The following MEOX2 variants were observed in gnomAD, a reference collection of about 807,000 sequenced individuals.
MEOX2 encodes the protein homeobox protein MOX-2.
Under a neutral mutation model 27.0 loss-of-function variants are expected in MEOX2, and 11 were observed. That is an observed-to-expected ratio of 0.41 (90% CI 0.26 to 0.68). The LOEUF (loss-of-function observed/expected upper bound fraction) is 0.68. Among genes scored for constraint, MEOX2 ranks in the 30% least tolerant of loss-of-function variants. The pLI is 0.33. For synonymous variants in MEOX2, 189 were observed against 155.4 expected (o/e 1.22, Z -1.61); for missense variants, 436 against 385.4 (o/e 1.13, Z -1.10).
At chr7:15,629,375 A>G (rs6958841) in intron 1 of MEOX2, among the ~76,000 whole-genome samples, 85,607 of 151,784 alleles carry the variant, frequency 0.56, 24,693 homozygotes, top group Non-Finnish European at 0.64. Flanking sequence ...ACTGGATTTA[A>G]GCTAAAATCT....
At chr7:15,685,760 G>T in intron 1 of MEOX2, 126 bp downstream of exon 1, 1 of 1,339,144 alleles carries the variant, frequency 7.5e-7, no homozygotes, top group African/African-American at 1.5e-5. Context: ...GCCGCAGGAA[G>T]CCACAGAGGG....
At chr7:15,635,263 T>C (rs1458373932) in intron 1 of MEOX2, among the ~76,000 whole-genome samples, 1 of 151,950 alleles carries the variant, frequency 6.6e-6, no homozygotes, top group Non-Finnish European at 1.5e-5. Flanking sequence ...CCAACAGGAA[T>C]ACATTTTATG....
At chr7:15,629,112 C>G (rs17168927) in intron 1 of MEOX2, among the ~76,000 whole-genome samples, 6 of 152,066 alleles carry the variant, frequency 3.9e-5, no homozygotes, top group Non-Finnish European at 8.8e-5. Context: ...ATGGTTAGCA[C>G]ATTCCCTTAT....
intron 1 of MEOX2, among the ~76,000 whole-genome samples, chr7:15,658,396 A>C (rs1191393822): frequency 6.6e-6 from 1 of 152,178 alleles, no homozygotes; most frequent in Admixed American, 6.5e-5. Flanking sequence ...TTGCTGTCTT[A>C]AATTGTTATG....
At chr7:15,622,354 T>G (rs1781234484) in intron 2 of MEOX2, among the ~76,000 whole-genome samples, 1 of 152,282 alleles carries the variant, frequency 6.6e-6, no homozygotes, top group East Asian at 1.9e-4. Flanking sequence ...GTCCTGTCTC[T>G]GCTTTTGAAT....
chr7:15,645,123 T>G (rs1781621121), intron 1 of MEOX2, among the ~76,000 whole-genome samples: 1 of 152,210 alleles, frequency 6.6e-6, no homozygotes, highest in Non-Finnish European at 1.5e-5. Context: ...TAGACAGCAG[T>G]ATTGAAAGTG....
intron 2 of MEOX2, among the ~76,000 whole-genome samples, chr7:15,624,026 A>T (rs948702978): frequency 2.0e-5 from 3 of 152,242 alleles, no homozygotes; most frequent in African/African-American, 7.2e-5. Context: ...AAATTATTTC[A>T]TACCCATTAT....
intron 1 of MEOX2, among the ~76,000 whole-genome samples, chr7:15,652,437 A>C (rs1468752285): frequency 6.6e-6 from 1 of 152,086 alleles, no homozygotes; most frequent in Non-Finnish European, 1.5e-5. Flanking sequence ...ATTCTCAGCC[A>C]GAAGTATTTT....
At chr7:15,613,030 G>T (rs777576207) in intron 2 of MEOX2, among the ~76,000 whole-genome samples, 47 of 152,150 alleles carry the variant, frequency 3.1e-4, no homozygotes, top group Non-Finnish European at 5.1e-4. Context: ...TTTAAAACAT[G>T]CTCCTGCAGC....
At chr7:15,658,599 C>T (rs1781861859) in intron 1 of MEOX2, among the ~76,000 whole-genome samples, 1 of 152,094 alleles carries the variant, frequency 6.6e-6, no homozygotes, top group African/African-American at 2.4e-5. Flanking sequence ...TTGTATCTTC[C>T]CCCAGTACGT....
intron 1 of MEOX2, among the ~76,000 whole-genome samples, chr7:15,631,161 A>C (rs1359858697): frequency 6.6e-6 from 1 of 151,850 alleles, no homozygotes; most frequent in Non-Finnish European, 1.5e-5. Context: ...AAGCAAACCC[A>C]AATTTTACAT....
chr7:15,617,771 G>T (rs899726088), intron 2 of MEOX2, among the ~76,000 whole-genome samples: 1 of 151,986 alleles, frequency 6.6e-6, no homozygotes, highest in Admixed American at 6.6e-5. Flanking sequence ...AGCACATTGG[G>T]AATCATTTTC....
At chr7:15,669,343 T>A (rs149456772) in intron 1 of MEOX2, among the ~76,000 whole-genome samples, 67 of 152,338 alleles carry the variant, frequency 4.4e-4, no homozygotes, top group Non-Finnish European at 8.8e-4. Context: ...TGTATATTTG[T>A]TTTTTGTGTT....
chr7:15,675,230 A>G (rs1177621153), intron 1 of MEOX2, among the ~76,000 whole-genome samples: 1 of 152,204 alleles, frequency 6.6e-6, no homozygotes, highest in Non-Finnish European at 1.5e-5. Context: ...AAATATATTC[A>G]GGTACTTTGG....
In MEOX2 at chr7:15,619,173, A is replaced by T. The variant is rs1232734246; in HGVS notation, c.691-6562T>A. 2.6e-5 allele frequency among the ~76,000 whole-genome samples: 4 copies of T among 152,056 alleles called. No homozygotes were observed. The South Asian group carries it at 6.2e-4, about 24-fold the overall frequency. ...ATAGTAGAAAATTTTCTTAAAATTG[A>T]CAATGCCAACACAAAACTTGCACGA... is the stretch of plus-strand genomic sequence containing the variant. On this transcript the variant is annotated intron_variant, in intron 2 of 2. Coordinates refer to ENST00000262041, the MANE Select transcript of MEOX2 (RefSeq NM_005924.5).
intron 1 of MEOX2, chr7:15,679,903 A>T (rs1001384863): frequency 2.0e-5 from 3 of 151,956 alleles, no homozygotes; most frequent in Non-Finnish European, 2.9e-5. Context: ...AACCAAAAAA[A>T]TGTAAATTAT....
chr7:15,668,301 A>G (rs1481782504), intron 1 of MEOX2: 1 of 152,174 alleles, frequency 6.6e-6, no homozygotes, highest in Admixed American at 6.6e-5. Context: ...TGAATAGTAA[A>G]TATATTTTCT....
chr7:15,685,809 C>T (rs888654399), intron 1 of MEOX2, 77 bp downstream of exon 1: 16 of 1,501,294 alleles, frequency 1.1e-5, no homozygotes, highest in South Asian at 1.3e-5. Context: ...CCCTCCAGTG[C>T]GAGAATCTCC....
chr7:15,685,765 A>G (rs899535586), intron 1 of MEOX2, 121 bp downstream of exon 1: 3 of 1,371,918 alleles, frequency 2.2e-6, no homozygotes, highest in Non-Finnish European at 2.0e-6. Flanking sequence ...AGGAAGCCAC[A>G]GAGGGCAACA....
Sources: gnomAD v4.1 joint callset for allele counts (sites outside exome capture counted in the v4.1 genomes callset) on GRCh38, gnomAD v4.1.1 for gene constraint, MANE v1.5 for transcripts, NCBI Gene and HGNC (gene_info 2026-07-23, HGNC 2026-07-21) for gene names.